MAPK6: variants seen among roughly 807,000 people sequenced by gnomAD.
MAPK6 encodes mitogen-activated protein kinase 6, also known as ERK-3.
In MAPK6, 19 loss-of-function variants were observed where a neutral mutation model predicts 59.3. That is an observed-to-expected ratio of 0.32 (90% CI 0.22 to 0.47). The LOEUF (loss-of-function observed/expected upper bound fraction) is 0.47, where lower values mean the gene tolerates loss of function less well. Ranked by LOEUF, MAPK6 falls within the 20% of genes least tolerant of loss-of-function variation. MAPK6 has a pLI of 1.00. For synonymous variants in MAPK6, 316 were observed against 290.3 expected (o/e 1.09, Z -0.90); for missense variants, 724 against 847.9 (o/e 0.85, Z 1.81).
intron 1 of MAPK6, among the ~76,000 whole-genome samples, chr15:51,978,647 T>C (rs1444605498): frequency 6.6e-6 from 1 of 151,546 alleles, no homozygotes; most frequent in African/African-American, 2.4e-5. Context: ...TTTGGGGGGA[T>C]TACCTTATAA....
intron 1 of MAPK6, among the ~76,000 whole-genome samples, chr15:52,032,435 C>T (rs1283843594): frequency 6.6e-6 from 1 of 152,038 alleles, no homozygotes. Context: ...GGTGATCCAT[C>T]TGCCTTGGCC....
At chr15:52,032,797 G>A (rs186000181) in intron 1 of MAPK6, among the ~76,000 whole-genome samples, 5 of 152,220 alleles carry the variant, frequency 3.3e-5, no homozygotes, top group Non-Finnish European at 7.4e-5. Context: ...TGATTCTCCT[G>A]CCTCAACCTC....
At chr15:52,027,029 G>A (rs963763702) in intron 1 of MAPK6, among the ~76,000 whole-genome samples, 2 of 148,706 alleles carry the variant, frequency 1.3e-5, no homozygotes, top group African/African-American at 2.5e-5. Flanking sequence ...CAGCCTGGGC[G>A]ACAGAGCAAT....
At chr15:52,016,107 C>CACACACACACA (rs1267339787), upstream of MAPK6, among the ~76,000 whole-genome samples, 1 of 136,212 alleles carries the variant, frequency 7.3e-6, no homozygotes, top group African/African-American at 2.8e-5. Context: ...CACACACACA[C>CACACACACACA]AAACTAAAAC....
chr15:52,045,320 A>G (rs2031564150), intron 1 of MAPK6, among the ~76,000 whole-genome samples: 1 of 152,180 alleles, frequency 6.6e-6, no homozygotes, highest in Non-Finnish European at 1.5e-5. Context: ...TTTCATAGGT[A>G]TTATTCATTG....
chr15:52,030,278 C>G (rs1199435079), intron 1 of MAPK6, among the ~76,000 whole-genome samples: 2 of 152,154 alleles, frequency 1.3e-5, no homozygotes, highest in Non-Finnish European at 2.9e-5. Context: ...TTGGTCTTTC[C>G]TTACTAGAAT....
chr15:51,992,122 C>T (rs115232854), intron 2 of MAPK6, among the ~76,000 whole-genome samples: 2,952 of 151,536 alleles, frequency 0.019, 113 homozygotes, highest in African/African-American at 0.069. Flanking sequence ...ACGCTTGGCT[C>T]GTTGTTTGTA....
intron 1 of MAPK6, among the ~76,000 whole-genome samples, chr15:51,974,719 C>CT (rs993568924): frequency 2.2e-5 from 3 of 138,770 alleles, no homozygotes; most frequent in African/African-American, 7.8e-5. Flanking sequence ...TGGAGAATTT[C>CT]TTTTTTCCCC....
rs367847120 is a variant in MAPK6, at chr15:52,029,146, T to A, written c.-632+9770T>A. ...TCCATCTACTGGGTTCAAGTGATTA[T>A]CCTGCCTCAGCCTCCCCAGTAGCTG... On this transcript the variant is annotated intron_variant, in intron 1 of 5. Transcript: ENST00000261845. Among the ~76,000 whole-genome samples the A allele has an allele frequency of 2.6e-5, 4 of 152,350 alleles. No individual in the cohort carries two copies. The East Asian group carries it at 7.7e-4, about 29-fold the overall frequency.
chr15:51,983,508 C>CAAA (rs200178591), intron 2 of MAPK6, among the ~76,000 whole-genome samples: 1 of 145,302 alleles, frequency 6.9e-6, no homozygotes, highest in African/African-American at 2.6e-5. Context: ...ACGACAACAA[C>CAAA]AAAAAAAAAC....
rs2032364195 is a variant in MAPK6, at chr15:52,065,089, A to G, written c.*89A>G. On this transcript the variant is annotated 3_prime_UTR_variant, in exon 6 of 6. Transcript: ENST00000261845. ...AGTGTTTAAGTCATTTTTTACTTGA[A>G]TCAGATGGTGTCATTTAGTAAGGAT... The G allele has an allele frequency of 4.0e-6, 5 of 1,241,578 alleles. No individual in the cohort carries two copies. Among genetic ancestry groups the G allele is most frequent in the Non-Finnish European group, 4.4e-6 (4 of 910,408 alleles). The allele number at this position is 1,241,578 out of a possible 1,614,324, so 76.9% of individuals were successfully genotyped here.
chr15:52,013,130 C>T (rs1358832287), intron 3 of MAPK6, among the ~76,000 whole-genome samples: 1 of 145,600 alleles, frequency 6.9e-6, no homozygotes, highest in Non-Finnish European at 1.5e-5. Context: ...CCCTGTCATG[C>T]ACTCTTTGAA....
At chr15:52,004,839 G>C (rs2057253144) in intron 3 of MAPK6, among the ~76,000 whole-genome samples, 1 of 152,162 alleles carries the variant, frequency 6.6e-6, no homozygotes, top group African/African-American at 2.4e-5. Flanking sequence ...TGGGGATTAA[G>C]TTGCCAACAT....
At chr15:52,036,321 T>G (rs1245291281) in intron 1 of MAPK6, among the ~76,000 whole-genome samples, 3 of 152,202 alleles carry the variant, frequency 2.0e-5, no homozygotes, top group African/African-American at 7.2e-5. Flanking sequence ...TCCTTTAATA[T>G]AAGCTGTCCC....
At chr15:52,062,639 C>G (rs2032248380) in intron 5 of MAPK6, among the ~76,000 whole-genome samples, 1 of 152,088 alleles carries the variant, frequency 6.6e-6, no homozygotes, top group East Asian at 1.9e-4. Flanking sequence ...ATGGCGGGCT[C>G]TTGTAGTCCC....
In MAPK6 at chr15:52,064,574, A is replaced by C; in HGVS notation, c.1740A>C (p.Ala580=). 1 of 1,611,834 alleles carries C rather than the reference A, an allele frequency of 6.2e-7. No individual in the cohort carries two copies. The change falls in exon 6 of 6, where the codon GCA becomes GCC. Residue 580 remains alanine, a synonymous_variant. Coordinates refer to ENST00000261845, the MANE Select transcript of MAPK6 (RefSeq NM_002748.4). ...AAGAAAAACAGGAAAAAGGAATGGC[A>C]AATCTGGCTCAATTAGAAGCCTTGT... ...VSQEKQEKGM[A]NLAQLEALYQ...
At chr15:52,032,583 A>G (rs913599850) in intron 1 of MAPK6, among the ~76,000 whole-genome samples, 24 of 151,898 alleles carry the variant, frequency 1.6e-4, no homozygotes, top group Middle Eastern at 3.4e-3. Flanking sequence ...GGTTAGTTAC[A>G]TTTGGTGTAT....
intron 1 of MAPK6, among the ~76,000 whole-genome samples, chr15:52,032,620 T>G (rs1176816063): frequency 6.6e-6 from 1 of 152,232 alleles, no homozygotes; most frequent in Non-Finnish European, 1.5e-5. Context: ...AAGACTTCTT[T>G]TAGCATTTCT....
intron 1 of MAPK6, among the ~76,000 whole-genome samples, chr15:51,977,570 CTG>C (rs1433804536): frequency 6.6e-6 from 1 of 151,858 alleles, no homozygotes; most frequent in African/African-American, 2.4e-5. Context: ...AAGTCTCCCT[CTG>C]TCACCCAGGC....
Sources: gnomAD v4.1 joint callset for allele counts (sites outside exome capture counted in the v4.1 genomes callset) on GRCh38, gnomAD v4.1.1 for gene constraint, MANE v1.5 for transcripts, NCBI Gene and HGNC (gene_info 2026-07-23, HGNC 2026-07-21) for gene names.